CSF1: variants seen among roughly 807,000 people sequenced by gnomAD.
CSF1 encodes the protein macrophage colony-stimulating factor 1.
A neutral mutation model predicts 48.9 loss-of-function variants in CSF1; 9 were observed. The observed-to-expected ratio is 0.18, with a 90% CI of 0.11 to 0.32. The LOEUF is 0.32. Ranked by LOEUF, CSF1 falls within the 10% of genes least tolerant of loss-of-function variation. CSF1 has a pLI of 1.00. For synonymous variants in CSF1, 305 were observed against 284.1 expected (o/e 1.07, Z -0.74); for missense variants, 672 against 697.9 (o/e 0.96, Z 0.42).
At chr1:109,911,727 C>A (rs1377583082) in intron 1 of CSF1, among the ~76,000 whole-genome samples, 4 of 152,192 alleles carry the variant, frequency 2.6e-5, no homozygotes, top group African/African-American at 4.8e-5. Flanking sequence ...CTTTTTCTTG[C>A]AAATTCTGGT....
intron 4 of CSF1, among the ~76,000 whole-genome samples, chr1:109,918,114 G>C (rs780011260): frequency 5.3e-5 from 8 of 152,192 alleles, no homozygotes; most frequent in Non-Finnish European, 1.2e-4. Context: ...AGGCTTCTGA[G>C]TAAGCAAATA....
At chr1:109,915,222 T>A (rs1350652988) in intron 2 of CSF1, among the ~76,000 whole-genome samples, 2 of 152,228 alleles carry the variant, frequency 1.3e-5, no homozygotes, top group Admixed American at 6.5e-5. Context: ...GCTCTGGGGC[T>A]AAAGAGGGCT....
At chr1:109,925,057 C>T (rs1448504663) in intron 7 of CSF1, 90 bp from the exon 8 acceptor site, 1 of 1,229,638 alleles carries the variant, frequency 8.1e-7, no homozygotes, top group African/African-American at 1.5e-5. Context: ...GGGCCTAGAG[C>T]ATGTCTGGGG....
At position 109,925,208 on chromosome 1, in the gene CSF1, A is replaced by T; in HGVS notation, c.*13+6A>T. Reference sequence around the variant, plus strand: ...AGTGTAGAGGGAATTCTAAGGTAAGATTCTGACTTTGATCTCCACTCCTAA... The same window carrying T: ...AGTGTAGAGGGAATTCTAAGGTAAGTTTCTGACTTTGATCTCCACTCCTAA... On this transcript the variant is annotated splice_donor_region_variant and intron_variant, in intron 8 of 8. Transcript: ENST00000329608. The T allele has an allele frequency of 6.2e-7, 1 of 1,613,114 alleles. No homozygotes were observed. The highest frequency in any genetic ancestry group is 8.5e-7 in the Non-Finnish European group (1 of 1,179,238).
intron 4 of CSF1, among the ~76,000 whole-genome samples, chr1:109,917,887 T>C (rs1647313852): frequency 6.6e-6 from 1 of 152,138 alleles, no homozygotes; most frequent in Admixed American, 6.5e-5. Context: ...GGAACTTACA[T>C]TTGGGGGTGA....
chr1:109,914,360 C>T lies in CSF1; in HGVS notation c.141C>T (p.His47=). Residue 47 remains histidine (H), a synonymous_variant, in exon 2 of 9, where the codon CAC becomes CAT. Transcript: ENST00000329608. ...EYCSHMIGSG[H]LQSLQRLIDS... is the part of the protein sequence containing the mutation. ...GTAGCCACATGATTGGGAGTGGACA[C>T]CTGCAGTCTCTGCAGCGGCTGGTGA... 2 of 1,603,674 alleles carry T rather than the reference C, an allele frequency of 1.2e-6. No homozygotes were observed. Among genetic ancestry groups the T allele is most frequent in the Non-Finnish European group, 1.7e-6 (2 of 1,174,944 alleles).
rs533535979 is a variant in CSF1 at position 109,924,317 on chromosome 1, G to T, written c.1569+127G>T. Reference sequence around the variant, plus strand: ...TTCAGACACAGAGAGATAGGGGCTGGCTCAGCACAGAGGATGAGAGGTGGA... The same window carrying T: ...TTCAGACACAGAGAGATAGGGGCTGTCTCAGCACAGAGGATGAGAGGTGGA... On this transcript the variant is annotated intron_variant, in intron 6 of 8. Coordinates refer to ENST00000329608, the MANE Select transcript of CSF1 (RefSeq NM_000757.6). The T allele has an allele frequency of 2.4e-5, 19 of 777,814 alleles. No individual in the cohort carries two copies. In the African/African-American group the frequency reaches 3.2e-4, roughly 13 times the overall value. The allele number at this position is 777,814 out of a possible 1,614,324, so 48.2% of individuals were successfully genotyped here.
At chr1:109,915,779 G>A in intron 3 of CSF1, 83 bp downstream of exon 3, 2 of 1,149,202 alleles carry the variant, frequency 1.7e-6, no homozygotes, top group Non-Finnish European at 2.6e-6. Context: ...CATGAAAGCG[G>A]CAGAATGCCT....
intron 4 of CSF1, among the ~76,000 whole-genome samples, chr1:109,918,128 A>G (rs1647338784): frequency 6.6e-6 from 1 of 152,208 alleles, no homozygotes; most frequent in South Asian, 2.1e-4. Flanking sequence ...GCAAATATTG[A>G]TTTGAGCTCC....
chr1:109,914,578 C>T lies in CSF1; in HGVS notation c.162+197C>T, dbSNP rs575764320. 1.4e-4 allele frequency among the ~76,000 whole-genome samples: 21 copies of T among 152,368 alleles called. No homozygotes were observed. In the East Asian group the frequency reaches 1.5e-3, roughly 11 times the overall value. On this transcript the variant is annotated intron_variant, in intron 2 of 8. Coordinates refer to ENST00000329608, the MANE Select transcript of CSF1 (RefSeq NM_000757.6). ...GTTAGGACCTCTGGTCTCCCCAGCT[C>T]GAAGCCCTCTCTGACTGCCCTGCAG...
chr1:109,918,187 A>C (rs1411799218), intron 4 of CSF1, among the ~76,000 whole-genome samples: 1 of 152,240 alleles, frequency 6.6e-6, no homozygotes, highest in African/African-American at 2.4e-5. Context: ...ACATTCTGGA[A>C]CAGGAAAAGC....
Position 109,911,450 on chromosome 1 carries a change from C to A in CSF1, c.39+388C>A, listed in dbSNP as rs892976440. 2.0e-5 allele frequency among the ~76,000 whole-genome samples: 3 copies of A among 152,238 alleles called. No homozygotes were observed. In the South Asian group the frequency reaches 6.2e-4, roughly 31 times the overall value. On this transcript the variant is annotated intron_variant, in intron 1 of 8. Coordinates refer to ENST00000329608, the MANE Select transcript of CSF1 (RefSeq NM_000757.6). ...GAGTGTGTGCCCTCCCCGGTGGGCA[C>A]CTTCCTCATCGGCCACACACGTGCT... is the stretch of plus-strand genomic sequence containing the variant.
At chr1:109,927,849 C>A (rs1647907458) in intron 8 of CSF1, among the ~76,000 whole-genome samples, 1 of 152,230 alleles carries the variant, frequency 6.6e-6, no homozygotes, top group Non-Finnish European at 1.5e-5. Flanking sequence ...AGCACCTCAG[C>A]CCTAAGCAGC....
chr1:109,910,521 G>C, upstream of CSF1: 1 of 393,616 alleles, frequency 2.5e-6, no homozygotes, highest in South Asian at 1.7e-5. Context: ...AGCCTGGAGA[G>C]CGCGGAAGGA....
rs749549913 is a variant in CSF1 at position 109,917,414 on chromosome 1, C to T, written c.347C>T (p.Ser116Phe). ...AIAIVQLQEL[S>F]LRLKSCFTKD... ...GCCATTGTGCAGCTGCAGGAACTCT[C>T]TTTGAGGCTGAAGAGCTGCTTCACC... is the stretch of plus-strand genomic sequence containing the variant. Residue 116 changes from serine to phenylalanine, a missense_variant, in exon 4 of 9, where the codon TCT becomes TTT. Ser to Phe is a radical substitution (Grantham distance 155, BLOSUM62 -2). This residue lies in a region of CSF1 where 591 missense variants were observed against 593.6 expected (regional missense o/e 1.00). Transcript: ENST00000329608. 1.2e-6 allele frequency: 2 copies of T among 1,614,222 alleles called. No individual in the cohort carries two copies. Among genetic ancestry groups the T allele is most frequent in the Non-Finnish European group, 1.7e-6 (2 of 1,180,046 alleles).
At chr1:109,916,288 C>T (rs1339497930) in intron 3 of CSF1, among the ~76,000 whole-genome samples, 1 of 152,158 alleles carries the variant, frequency 6.6e-6, no homozygotes, top group Non-Finnish European at 1.5e-5. Context: ...AGCCTCCTAA[C>T]TGGTGTCTCC....
intron 8 of CSF1, 88 bp from the exon 9 acceptor site, chr1:109,928,764 A>G (rs1647944691): frequency 6.5e-6 from 1 of 152,776 alleles, no homozygotes; most frequent in Admixed American, 6.5e-5. Context: ...CCAGCAGCCC[A>G]CAGGAATGCC....
At chr1:109,921,753 C>A in intron 4 of CSF1, 94 bp from the exon 5 acceptor site, 2 of 1,403,218 alleles carry the variant, frequency 1.4e-6, no homozygotes, top group Admixed American at 2.6e-5. Flanking sequence ...AAAAAGAAGA[C>A]AGATGTGAGA....
In CSF1 at chr1:109,911,059, C is replaced by A; in HGVS notation, c.36C>A (p.Pro12=). 2 of 1,108,288 alleles carry A rather than the reference C, an allele frequency of 1.8e-6. No individual in the cohort carries two copies. The highest frequency in any genetic ancestry group is 4.0e-5 in the South Asian group (1 of 25,132). 68.7% of individuals were successfully genotyped at this position (1,108,288 alleles called of 1,614,324 possible). Residue 12 remains proline, a synonymous_variant, in exon 1 of 9, where the codon CCC becomes CCA. Transcript: ENST00000329608. ...CGGGCGCCGCCGGGCGCTGCCCTCCCACGGTAAGCGACGGCCGCGGCGCTG... is the reference window on the plus strand; with the variant it reads ...CGGGCGCCGCCGGGCGCTGCCCTCCAACGGTAAGCGACGGCCGCGGCGCTG... ...TAPGAAGRCP[P]TTWLGSLLLL...
Sources: allele counts gnomAD v4.1 joint callset (sites outside exome capture counted in the v4.1 genomes callset), GRCh38; gene constraint gnomAD v4.1.1; regional missense constraint gnomAD v4.1.1; transcripts MANE v1.5; gene names NCBI Gene and HGNC (gene_info 2026-07-23, HGNC 2026-07-21).